KLF13: variants seen among roughly 807,000 people sequenced by gnomAD.
KLF13 encodes Krueppel-like factor 13.
Under a neutral mutation model 16.7 loss-of-function variants are expected in KLF13, and 8 were observed. The ratio of observed to expected loss-of-function variants is 0.48; its 90% CI spans 0.28 to 0.87. The LOEUF (loss-of-function observed/expected upper bound fraction) is 0.87, where lower values mean the gene tolerates loss of function less well. Among genes scored for constraint, KLF13 ranks in the 40% least tolerant of loss-of-function variants. The probability of loss-of-function intolerance (pLI) is 0.10; values close to 1 mark genes in which losing one functional copy is unlikely to be tolerated. For missense variants in KLF13, 447 were observed against 452.2 expected, an observed-to-expected ratio of 0.99 and a Z score of 0.10; for synonymous variants, 245 against 208.4, an observed-to-expected ratio of 1.18 and a Z score of -1.51.
At chr15:31,364,113 C>A (rs1056995014) in intron 1 of KLF13, among the ~76,000 whole-genome samples, 2 of 150,520 alleles carry the variant, frequency 1.3e-5, no homozygotes, top group African/African-American at 2.5e-5. Flanking sequence ...TGTGTTGAAT[C>A]CTGGTGGTCT....
chr15:31,353,115 G>A (rs927517826), intron 1 of KLF13, among the ~76,000 whole-genome samples: 1 of 152,154 alleles, frequency 6.6e-6, no homozygotes, highest in Admixed American at 6.5e-5. Context: ...CTCAAGGGTG[G>A]CTCCACATCT....
In KLF13 at chr15:31,435,372, G is replaced by A. The variant is rs142007528; in HGVS notation, n.120G>A. 1.5e-3 allele frequency: 223 copies of A among 152,310 alleles called. 1 individual carries two copies. Among genetic ancestry groups the A allele is most frequent in the African/African-American group, 5.0e-3 (209 of 41,532 alleles). 9.4% of individuals were successfully genotyped at this position (152,310 alleles called of 1,614,324 possible). A position where few individuals can be genotyped will look rare whatever the true frequency, so the allele number is the denominator to read the frequency against. ...AAGAGGCTCTCGATCTTTTACAGGT[G>A]ACAAAGAAGACAAGGAAGACAAGGA... is the stretch of plus-strand genomic sequence containing the variant. On this transcript the variant is annotated splice_region_variant and non_coding_transcript_exon_variant, in exon 2 of 2. Coordinates refer to the KLF13 transcript ENST00000558225.
At chr15:31,370,319 G>C (rs1566822025) in intron 1 of KLF13, among the ~76,000 whole-genome samples, 1 of 151,524 alleles carries the variant, frequency 6.6e-6, no homozygotes, top group African/African-American at 2.4e-5. Context: ...ACTGTTTTTT[G>C]GTTCTTTTTT....
In KLF13 at chr15:31,342,300, C is replaced by T. The variant is rs12439954; in HGVS notation, c.577+14511C>T. Among the ~76,000 whole-genome samples, 785 of 152,258 alleles carry T rather than the reference C, an allele frequency of 5.2e-3. 34 individuals carry two copies. Among genetic ancestry groups the T allele is most frequent in the Admixed American group, 0.047 (717 of 15,308 alleles). ...ACCCCAAGGAAAGGACTTTCGGAGA[C>T]CAGGCATTCTCTGGGTGAGACTCCC... On this transcript the variant is annotated intron_variant, in intron 1 of 1. Transcript: ENST00000307145.
intron 1 of KLF13, among the ~76,000 whole-genome samples, chr15:31,423,412 A>G (rs1271449376): frequency 6.6e-6 from 1 of 151,696 alleles, no homozygotes; most frequent in Non-Finnish European, 1.5e-5. Context: ...TGGGTGGATC[A>G]CGTGAGGTCA....
At chr15:31,341,537 CT>C (rs34870652) in intron 1 of KLF13, among the ~76,000 whole-genome samples, 239 of 121,426 alleles carry the variant, frequency 2.0e-3, no homozygotes, top group East Asian at 3.5e-3. Flanking sequence ...CAATTCAGAA[CT>C]TTTTTTTTTT....
At chr15:31,380,531 C>G (rs1162974313), downstream of KLF13, among the ~76,000 whole-genome samples, 2 of 152,148 alleles carry the variant, frequency 1.3e-5, no homozygotes, top group African/African-American at 4.8e-5. Context: ...TTTCTCCTAG[C>G]CTTGTTGGTC....
intron 1 of KLF13, among the ~76,000 whole-genome samples, chr15:31,332,050 CTTTT>C (rs756924023): frequency 6.6e-6 from 1 of 151,742 alleles, no homozygotes; most frequent in Non-Finnish European, 1.5e-5. Flanking sequence ...GCTACATTGC[CTTTT>C]TTTTGTTTTT....
At chr15:31,426,189 A>G (rs1345907119) in intron 1 of KLF13, among the ~76,000 whole-genome samples, 3 of 152,208 alleles carry the variant, frequency 2.0e-5, no homozygotes, top group African/African-American at 7.2e-5. Flanking sequence ...ACACTCTCCC[A>G]CATTTTTCTA....
intron 1 of KLF13, among the ~76,000 whole-genome samples, chr15:31,329,590 C>T (rs909572138): frequency 2.0e-5 from 3 of 152,130 alleles, no homozygotes; most frequent in African/African-American, 7.2e-5. Context: ...CAGGCTCTGG[C>T]CCCGCGCGAG....
Position 31,372,037 on chromosome 15 carries a change from A to G in KLF13, c.605A>G (p.Gln202Arg). Residue 202 changes from glutamine to arginine, a missense_variant, in exon 2 of 2, where the codon CAG (glutamine) becomes CGG (arginine). Physicochemically the swap from Gln to Arg is conservative, Grantham distance 43. Transcript: ENST00000307145. Reference protein sequence around the residue: ...TGERPFACSWQDCNKKFARSD... With the variant: ...TGERPFACSWRDCNKKFARSD... ...GAGAGGCCCTTCGCCTGCAGCTGGC[A>G]GGACTGCAACAAGAAGTTCGCGCGC... is the stretch of plus-strand genomic sequence containing the variant. 6.2e-7 allele frequency: 1 copy of G among 1,610,030 alleles called. No homozygotes were observed. The highest frequency in any genetic ancestry group is 8.5e-7 in the Non-Finnish European group (1 of 1,178,776).
chr15:31,407,120 C>T (rs941333138), downstream of KLF13, among the ~76,000 whole-genome samples: 1 of 152,066 alleles, frequency 6.6e-6, no homozygotes, highest in African/African-American at 2.4e-5. Flanking sequence ...GAATAATTTC[C>T]CAGAGCTAAA....
downstream of KLF13, among the ~76,000 whole-genome samples, chr15:31,404,927 G>C (rs993012634): frequency 4.6e-5 from 7 of 152,214 alleles, no homozygotes; most frequent in Admixed American, 4.6e-4. Flanking sequence ...GGAGAGAACA[G>C]TGGGGGGAGC....
chr15:31,327,805 C>G lies in KLF13; in HGVS notation c.577+16C>G. 6.9e-7 allele frequency: 1 copy of G among 1,455,492 alleles called. No individual in the cohort carries two copies. The highest frequency in any genetic ancestry group is 9.2e-7 in the Non-Finnish European group (1 of 1,091,540). 90.2% of individuals were successfully genotyped at this position (1,455,492 alleles called of 1,614,324 possible). On this transcript the variant is annotated intron_variant, in intron 1 of 1. Transcript: ENST00000307145. ...ACTCACACAGGTCAGTGGGGCGGCG[C>G]GGGCGCCCGGATCGCGCGGACGGGG...
chr15:31,333,326 G>T (rs1170246622), intron 1 of KLF13, among the ~76,000 whole-genome samples: 1 of 152,206 alleles, frequency 6.6e-6, no homozygotes, highest in Non-Finnish European at 1.5e-5. Flanking sequence ...CGCCCCCGAG[G>T]TGGGTGTACC....
downstream of KLF13, among the ~76,000 whole-genome samples, chr15:31,378,680 A>G (rs2039686933): frequency 6.6e-6 from 1 of 152,158 alleles, no homozygotes; most frequent in Non-Finnish European, 1.5e-5. Flanking sequence ...TGGGCTGTAC[A>G]CTGTTCATAC....
At chr15:31,411,536 C>A (rs1285140361) in intron 1 of KLF13, among the ~76,000 whole-genome samples, 3 of 151,574 alleles carry the variant, frequency 2.0e-5, no homozygotes, top group African/African-American at 7.3e-5. Context: ...GCTGGGACTA[C>A]AGGCGCCTGC....
downstream of KLF13, among the ~76,000 whole-genome samples, chr15:31,408,297 A>G (rs765330860): frequency 6.6e-6 from 1 of 152,234 alleles, no homozygotes; most frequent in Non-Finnish European, 1.5e-5. Context: ...GTAGTCACAG[A>G]GAAGACCGAG....
intron 1 of KLF13, among the ~76,000 whole-genome samples, chr15:31,363,406 A>G (rs1342520328): frequency 6.6e-6 from 1 of 152,150 alleles, no homozygotes; most frequent in Non-Finnish European, 1.5e-5. Flanking sequence ...TTTTTCTCTC[A>G]GTTTTGTCAG....
Sources: gnomAD v4.1 joint callset for allele counts (sites outside exome capture counted in the v4.1 genomes callset) on GRCh38, gnomAD v4.1.1 for gene constraint, MANE v1.5 for transcripts, NCBI Gene and HGNC (gene_info 2026-07-23, HGNC 2026-07-21) for gene names.